CNTNAP2: variants seen among roughly 807,000 people sequenced by gnomAD.
CNTNAP2 encodes contactin-associated protein-like 2.
CNTNAP2 carries 98 observed loss-of-function variants against 155.2 expected under a neutral mutation model. The observed-to-expected ratio is 0.63, with a 90% CI of 0.54 to 0.75. The LOEUF is 0.75. Among genes scored for constraint, CNTNAP2 ranks in the 30% least tolerant of loss-of-function variants. The pLI is 0.00. For synonymous variants in CNTNAP2, 651 were observed against 631.2 expected, an observed-to-expected ratio of 1.03 and a Z score of -0.47; for missense variants, 1,727 against 1,688.1, an observed-to-expected ratio of 1.02 and a Z score of -0.40.
At chr7:147,142,284 G>C (rs1472113119) in intron 8 of CNTNAP2, among the ~76,000 whole-genome samples, 1 of 152,176 alleles carries the variant, frequency 6.6e-6, no homozygotes, top group Non-Finnish European at 1.5e-5. Context: ...TTAGCATGAA[G>C]TGTTGTTGAA....
At chr7:148,181,805 T>TG (rs1795042204) in intron 18 of CNTNAP2, among the ~76,000 whole-genome samples, 1 of 129,424 alleles carries the variant, frequency 7.7e-6, no homozygotes, top group African/African-American at 3.0e-5. Context: ...TCACCCAGGC[T>TG]GGAGTTCAGT....
At chr7:147,795,483 T>C (rs1245119386) in intron 13 of CNTNAP2, among the ~76,000 whole-genome samples, 6 of 152,120 alleles carry the variant, frequency 3.9e-5, no homozygotes, top group Non-Finnish European at 8.8e-5. Context: ...TCATTTCTAA[T>C]TTTATTTGTC....
chr7:147,802,897 C>T (rs1798030239), intron 13 of CNTNAP2, among the ~76,000 whole-genome samples: 1 of 151,868 alleles, frequency 6.6e-6, no homozygotes, highest in East Asian at 1.9e-4. Flanking sequence ...CTTCTCAAAA[C>T]CCTCACTTCA....
At chr7:147,631,404 A>G (rs1470108682) in intron 12 of CNTNAP2, among the ~76,000 whole-genome samples, 1 of 152,196 alleles carries the variant, frequency 6.6e-6, no homozygotes, top group Non-Finnish European at 1.5e-5. Context: ...AAATGACCAT[A>G]CTGCCAAAAT....
chr7:147,575,376 G>T (rs796958056), intron 12 of CNTNAP2, among the ~76,000 whole-genome samples: 3 of 104,762 alleles, frequency 2.9e-5, no homozygotes, highest in Non-Finnish European at 5.2e-5. Flanking sequence ...TTAGGGGTGT[G>T]TGTGTGTGTG....
chr7:147,638,558 C>T (rs1203937915), intron 12 of CNTNAP2, among the ~76,000 whole-genome samples: 1 of 152,060 alleles, frequency 6.6e-6, no homozygotes, highest in Non-Finnish European at 1.5e-5. Context: ...TGCTTTATTC[C>T]ACATGTACAG....
chr7:147,626,165 A>T (rs555186659), intron 12 of CNTNAP2, among the ~76,000 whole-genome samples: 65 of 152,178 alleles, frequency 4.3e-4, no homozygotes, highest in Non-Finnish European at 1.5e-5. Context: ...TTCTCAGGTG[A>T]AGTCCAGGAG....
chr7:146,530,198 C>T (rs1253629312), intron 1 of CNTNAP2, among the ~76,000 whole-genome samples: 1 of 152,048 alleles, frequency 6.6e-6, no homozygotes, highest in African/African-American at 2.4e-5. Context: ...TGAAACTAGA[C>T]CCTTTCATTT....
intron 13 of CNTNAP2, among the ~76,000 whole-genome samples, chr7:147,724,191 A>T (rs1174326804): frequency 6.6e-6 from 1 of 152,030 alleles, no homozygotes; most frequent in Non-Finnish European, 1.5e-5. Flanking sequence ...CCAAACATGT[A>T]ATAAACCTAA....
At chr7:148,009,466 T>C (rs1035478624) in intron 15 of CNTNAP2, among the ~76,000 whole-genome samples, 1 of 152,180 alleles carries the variant, frequency 6.6e-6, no homozygotes. Flanking sequence ...TTGAACACTA[T>C]ACATATGCAT....
chr7:148,280,251 A>C (rs142906971), intron 21 of CNTNAP2, among the ~76,000 whole-genome samples: 1 of 152,230 alleles, frequency 6.6e-6, no homozygotes, highest in East Asian at 1.9e-4. Flanking sequence ...GAGAAGTTGC[A>C]GTGAGCCAAG....
intron 11 of CNTNAP2, among the ~76,000 whole-genome samples, chr7:147,490,543 G>GAA (rs1367501183): frequency 6.6e-6 from 1 of 152,094 alleles, no homozygotes; most frequent in African/African-American, 2.4e-5. Context: ...AAAATAAATT[G>GAA]AATTCTATTT....
chr7:146,829,412 T>C (rs1803468588), intron 2 of CNTNAP2, among the ~76,000 whole-genome samples: 1 of 152,054 alleles, frequency 6.6e-6, no homozygotes, highest in South Asian at 2.1e-4. Context: ...ATAAGGAAAC[T>C]TTTTGTTTTC....
At chr7:147,793,884 T>G (rs1001142888) in intron 13 of CNTNAP2, among the ~76,000 whole-genome samples, 2 of 152,052 alleles carry the variant, frequency 1.3e-5, no homozygotes, top group African/African-American at 4.8e-5. Context: ...GTGCCCTTTT[T>G]GCTATATTTA....
At chr7:146,981,264 G>T (rs1055694019) in intron 3 of CNTNAP2, among the ~76,000 whole-genome samples, 2 of 152,074 alleles carry the variant, frequency 1.3e-5, no homozygotes, top group African/African-American at 4.8e-5. Context: ...GAAGAAATAA[G>T]ATTTACAAAT....
intron 1 of CNTNAP2, among the ~76,000 whole-genome samples, chr7:146,733,864 G>A (rs1390388381): frequency 1.3e-5 from 2 of 152,100 alleles, no homozygotes; most frequent in Non-Finnish European, 2.9e-5. Context: ...CATGTCCATG[G>A]TATGAGAGTT....
intron 1 of CNTNAP2, among the ~76,000 whole-genome samples, chr7:146,436,866 A>G (rs965347321): frequency 2.0e-5 from 3 of 151,634 alleles, no homozygotes; most frequent in Non-Finnish European, 2.9e-5. Flanking sequence ...GGCTAAGTAG[A>G]CTGCCCTGTT....
intron 9 of CNTNAP2, among the ~76,000 whole-genome samples, chr7:147,325,472 G>T (rs1795437185): frequency 6.6e-6 from 1 of 152,160 alleles, no homozygotes; most frequent in Non-Finnish European, 1.5e-5. Flanking sequence ...AGAGGTGAAA[G>T]AATAAAATAT....
At chr7:146,164,146 G>A (rs1798275699) in intron 1 of CNTNAP2, among the ~76,000 whole-genome samples, 1 of 152,168 alleles carries the variant, frequency 6.6e-6, no homozygotes, top group South Asian at 2.1e-4. Context: ...GGACTTTGCA[G>A]ACATGTTATA....
Sources: gnomAD v4.1 joint callset for allele counts (sites outside exome capture counted in the v4.1 genomes callset) on GRCh38, gnomAD v4.1.1 for gene constraint, MANE v1.5 for transcripts, NCBI Gene and HGNC (gene_info 2026-07-23, HGNC 2026-07-21) for gene names.